ZKSCAN1: variants seen among roughly 807,000 people sequenced by gnomAD.
The protein encoded by ZKSCAN1 is zinc finger protein with KRAB and SCAN domains 1.
ZKSCAN1 carries 14 observed loss-of-function variants against 51.6 expected under a neutral mutation model. The observed-to-expected ratio is 0.27, with a 90% confidence interval of 0.18 to 0.42. The LOEUF (loss-of-function observed/expected upper bound fraction) is 0.42. Ranked by LOEUF, ZKSCAN1 falls within the 10% of genes least tolerant of loss-of-function variation. The pLI, the probability that ZKSCAN1 is intolerant of heterozygous loss-of-function variation, is 1.00. For synonymous variants in ZKSCAN1, 263 were observed against 261.5 expected (o/e 1.01, Z -0.06); for missense variants, 531 against 710.0 (o/e 0.75, Z 2.86).
In ZKSCAN1 at chr7:100,023,776, C is replaced by T; in HGVS notation, c.270C>T (p.Asn90=). 6.2e-7 allele frequency: 1 copy of T among 1,614,200 alleles called. No homozygotes were observed. Among genetic ancestry groups the T allele is most frequent in the Non-Finnish European group, 8.5e-7 (1 of 1,180,036 alleles). The change falls in exon 2 of 6, where the codon AAC becomes AAT. Residue 90 remains asparagine, a synonymous_variant. Coordinates refer to ENST00000324306, the MANE Select transcript of ZKSCAN1 (RefSeq NM_003439.4). ...ATCAGTGGCTGCGGCCAGAAATAAA[C>T]ACCAAGGAACAGATCCTGGAGCTTC... ...LCHQWLRPEI[N]TKEQILELLV...
intron 2 of ZKSCAN1, 48 bp from the exon 3 acceptor site, chr7:100,024,106 C>T: frequency 3.8e-6 from 6 of 1,567,122 alleles, no homozygotes; most frequent in Non-Finnish European, 5.2e-6. Context: ...TATTTTAATT[C>T]CCATTTACAA....
rs1462853413 is a variant in ZKSCAN1 at position 100,033,129 on chromosome 7, G to A, written c.800-176G>A. Among the ~76,000 whole-genome samples the A allele has an allele frequency of 2.6e-5, 4 of 152,240 alleles. No individual in the cohort carries two copies. Among genetic ancestry groups the A allele is most frequent in the African/African-American group, 4.8e-5 (2 of 41,544 alleles). ...GGAGGTTGCAGTGAACTGAGATCAC[G>A]TCACTGCACTCCAGCCTGGGCGACA... On this transcript the variant is annotated intron_variant, in intron 5 of 5. Coordinates refer to ENST00000324306, the MANE Select transcript of ZKSCAN1 (RefSeq NM_003439.4). The surrounding 1 kb of genome is among the most constrained non-coding windows in gnomAD (Gnocchi z 4.1).
intron 3 of ZKSCAN1, among the ~76,000 whole-genome samples, chr7:100,026,958 A>G (rs1347186778): frequency 1.3e-5 from 2 of 151,808 alleles, no homozygotes; most frequent in African/African-American, 4.8e-5. Context: ...TTAAAAATTC[A>G]TACACCCTCC....
rs1791525890 is a variant in ZKSCAN1 at position 100,040,004 on chromosome 7, GAC to G, written c.*5812_*5813del. Reference sequence around the variant, plus strand: ...ATTTAGGGTTTTTTTTTTTAGAGTGGACACACTACATTTAAAAGCAATTATTT... The same window carrying G: ...ATTTAGGGTTTTTTTTTTTAGAGTGGACACTACATTTAAAAGCAATTATTT... On this transcript the variant is annotated 3_prime_UTR_variant, in exon 6 of 6. Transcript: ENST00000324306. 4 of 885,194 alleles carry G rather than the reference GAC, an allele frequency of 4.5e-6. No homozygotes were observed. Among genetic ancestry groups the G allele is most frequent in the South Asian group, 5.2e-5 (1 of 19,134 alleles). The allele number at this position is 885,194 out of a possible 1,614,324, so 54.8% of individuals were successfully genotyped here.
rs530640356 is a variant in ZKSCAN1, at chr7:100,035,113, G to A, written c.*916G>A. 1 of 152,736 alleles carries A rather than the reference G, an allele frequency of 6.5e-6. No individual in the cohort carries two copies. Among genetic ancestry groups the A allele is most frequent in the Non-Finnish European group, 1.5e-5 (1 of 68,038 alleles). The allele number at this position is 152,736 out of a possible 1,614,324, so 9.5% of individuals were successfully genotyped here. On this transcript the variant is annotated 3_prime_UTR_variant, in exon 6 of 6. Transcript: ENST00000324306. ...GCCAGCACAGTGCTGGACATAGTGA[G>A]TACTGAACACCTAAGAGGCACTCAT...
intron 1 of ZKSCAN1, among the ~76,000 whole-genome samples, chr7:100,020,451 A>G (rs1790544671): frequency 6.6e-6 from 1 of 152,032 alleles, no homozygotes. Context: ...ATTGTGGGAG[A>G]GAAGGGAGAA....
At position 100,040,441 on chromosome 7, in the gene ZKSCAN1, G is replaced by A; in HGVS notation, c.*6244G>A. The A allele has an allele frequency of 1.0e-6, 1 of 985,432 alleles. No individual in the cohort carries two copies. The highest frequency in any genetic ancestry group is 1.2e-6 in the Non-Finnish European group (1 of 829,936). 61.0% of individuals were successfully genotyped at this position (985,432 alleles called of 1,614,324 possible). A position where few individuals can be genotyped will look rare whatever the true frequency, so the allele number is the denominator to read the frequency against. Reference sequence around the variant, plus strand: ...TTTAAAATGGAATTTTCTCCCTTCAGCAAGCACTCATTAAGGAGTGAGGCT... The same window carrying A: ...TTTAAAATGGAATTTTCTCCCTTCAACAAGCACTCATTAAGGAGTGAGGCT... On this transcript the variant is annotated 3_prime_UTR_variant, in exon 6 of 6. Coordinates refer to ENST00000324306, the MANE Select transcript of ZKSCAN1 (RefSeq NM_003439.4).
intron 3 of ZKSCAN1, among the ~76,000 whole-genome samples, chr7:100,027,708 A>C (rs1358675842): frequency 7.0e-6 from 1 of 143,176 alleles, no homozygotes; most frequent in African/African-American, 2.6e-5. Flanking sequence ...AGATTGCGCC[A>C]CTGCACTCCA....
Position 100,035,795 on chromosome 7 carries a change from C to T in ZKSCAN1, c.*1598C>T. The T allele has an allele frequency of 3.1e-6, 3 of 970,870 alleles. No individual in the cohort carries two copies. Among genetic ancestry groups the T allele is most frequent in the Non-Finnish European group, 2.4e-6 (2 of 816,710 alleles). The allele number at this position is 970,870 out of a possible 1,614,324, so 60.1% of individuals were successfully genotyped here. ...CTTTCATTGGTCCCATCGTTGTGCG[C>T]AGGGTGCAACTGGCTACCTAGAAGC... On this transcript the variant is annotated 3_prime_UTR_variant, in exon 6 of 6. Transcript: ENST00000324306.
chr7:100,019,933 C>T (rs1790528455), intron 1 of ZKSCAN1, among the ~76,000 whole-genome samples: 1 of 151,866 alleles, frequency 6.6e-6, no homozygotes. Flanking sequence ...GAACTCCTGA[C>T]CTCAGGTTAT....
At chr7:100,016,094 C>T (rs945318773) in intron 1 of ZKSCAN1, among the ~76,000 whole-genome samples, 1 of 152,202 alleles carries the variant, frequency 6.6e-6, no homozygotes, top group African/African-American at 2.4e-5. Context: ...TCTGCTCTCC[C>T]TTAGTCGCCA....
chr7:100,036,243 A>G lies in ZKSCAN1; in HGVS notation c.*2046A>G, dbSNP rs1051203719. 3.0e-6 allele frequency: 3 copies of G among 985,342 alleles called. No homozygotes were observed. The highest frequency in any genetic ancestry group is 1.7e-5 in the African/African-American group (1 of 57,256). The allele number at this position is 985,342 out of a possible 1,614,324, so 61.0% of individuals were successfully genotyped here. A position where few individuals can be genotyped will look rare whatever the true frequency, so the allele number is the denominator to read the frequency against. On this transcript the variant is annotated 3_prime_UTR_variant, in exon 6 of 6. Transcript: ENST00000324306. ...ACTTGGGAAAACGTGTTGCAAGTCA[A>G]CCAGTCACTAGGATATTTCTACCCA...
rs777419532 is a variant in ZKSCAN1 at position 100,034,166 on chromosome 7, C to T, written c.1661C>T (p.Ala554Val). ...GAGTACAGCCCAGCCTCCCTTGATG[C>T]ATTTGGCGCGTTCCTGAAAAGTTGT... Reference protein sequence around the residue: ...ASEYSPASLDAFGAFLKSCV With the variant: ...ASEYSPASLDVFGAFLKSCV The change falls in exon 6 of 6, where the codon GCA becomes GTA. Residue 554 changes from alanine to valine, a missense_variant. By Grantham distance (64) the Ala-to-Val change is moderately conservative. Around this residue, in one of 2 missense-constraint regions of ZKSCAN1, gnomAD observed 128 missense variants for 219.5 expected, o/e 0.58. Transcript: ENST00000324306. 2.0e-6 allele frequency: 3 copies of T among 1,519,434 alleles called. No homozygotes were observed. Among genetic ancestry groups the T allele is most frequent in the Non-Finnish European group, 2.6e-6 (3 of 1,140,284 alleles). The allele number at this position is 1,519,434 out of a possible 1,614,324, so 94.1% of individuals were successfully genotyped here.
Position 100,023,815 on chromosome 7 carries a change from G to A in ZKSCAN1, c.309G>A (p.Gln103=). Residue 103 remains glutamine (Q), a synonymous_variant, in exon 2 of 6, where the codon CAG becomes CAA. Transcript: ENST00000324306. The part of the protein sequence containing the change: ...EQILELLVLE[Q]FLSILPKELQ... Reference sequence around the variant, plus strand: ...TCCTGGAGCTTCTGGTGCTAGAGCAGTTTCTTTCCATCCTGCCCAAGGAGC... The same window carrying A: ...TCCTGGAGCTTCTGGTGCTAGAGCAATTTCTTTCCATCCTGCCCAAGGAGC... 6.2e-7 allele frequency: 1 copy of A among 1,614,212 alleles called. No individual in the cohort carries two copies. Among genetic ancestry groups the A allele is most frequent in the Non-Finnish European group, 8.5e-7 (1 of 1,180,044 alleles).
intron 4 of ZKSCAN1, 93 bp downstream of exon 4, chr7:100,030,045 C>T (rs553708116): frequency 6.1e-6 from 9 of 1,469,822 alleles, no homozygotes; most frequent in Non-Finnish European, 8.5e-6. Flanking sequence ...TCTGGATGCC[C>T]CTGCTCTCAA....
chr7:100,016,141 C>A (rs975470935), intron 1 of ZKSCAN1, among the ~76,000 whole-genome samples: 3 of 152,178 alleles, frequency 2.0e-5, no homozygotes, highest in African/African-American at 7.2e-5. Flanking sequence ...TTTTCCCCCC[C>A]CGGTTCCTTC....
At chr7:100,045,011 T>C (rs1037283167), downstream of ZKSCAN1, 2 of 978,638 alleles carry the variant, frequency 2.0e-6, no homozygotes, top group African/African-American at 3.5e-5. Flanking sequence ...CATGAACACC[T>C]TACTGGAAAT....
intron 3 of ZKSCAN1, among the ~76,000 whole-genome samples, chr7:100,027,274 C>T (rs1184629801): frequency 2.1e-5 from 3 of 145,934 alleles, no homozygotes; most frequent in African/African-American, 7.7e-5. Context: ...CCAGCCTGGG[C>T]GACAGAGCAA....
Position 100,037,323 on chromosome 7 carries a change from C to T in ZKSCAN1, c.*3126C>T. On this transcript the variant is annotated 3_prime_UTR_variant, in exon 6 of 6. Coordinates refer to ENST00000324306, the MANE Select transcript of ZKSCAN1 (RefSeq NM_003439.4). ...CCCTTGCCAGGAAGAGAAGTAAAAT[C>T]CTCAGGTTGTGGGGTATTTGTTTCT... The T allele has an allele frequency of 1.0e-6, 1 of 985,390 alleles. No individual in the cohort carries two copies. Among genetic ancestry groups the T allele is most frequent in the Non-Finnish European group, 1.2e-6 (1 of 829,910 alleles). 61.0% of individuals were successfully genotyped at this position (985,390 alleles called of 1,614,324 possible). A position where few individuals can be genotyped will look rare whatever the true frequency, so the allele number is the denominator to read the frequency against.
Sources: allele counts gnomAD v4.1 joint callset (sites outside exome capture counted in the v4.1 genomes callset), GRCh38; gene constraint gnomAD v4.1.1; regional missense constraint gnomAD v4.1.1; non-coding constraint Gnocchi (gnomAD v3.1); transcripts MANE v1.5; gene names NCBI Gene and HGNC (gene_info 2026-07-23, HGNC 2026-07-21).